Variants in ATRN observed in about 807,000 individuals in gnomAD.
ATRN encodes attractin, also known as attractin-2.
A neutral mutation model predicts 178.7 loss-of-function variants in ATRN; 54 were observed. The observed-to-expected ratio is 0.30, with a 90% CI of 0.24 to 0.38. The LOEUF is 0.38. Among genes scored for constraint, ATRN ranks in the 10% least tolerant of loss-of-function variants. The pLI, the probability that ATRN is intolerant of heterozygous loss-of-function variation, is 1.00. For missense variants in ATRN, 1,443 were observed against 1,815.1 expected (o/e 0.79, Z 3.73); for synonymous variants, 636 against 663.0 (o/e 0.96, Z 0.63).
chr20:3,599,664 T>A (rs1057498113), intron 22 of ATRN, among the ~76,000 whole-genome samples: 1 of 152,214 alleles, frequency 6.6e-6, no homozygotes, highest in Admixed American at 6.5e-5. Flanking sequence ...GGGTGGACTT[T>A]TCATATGCAA....
chr20:3,630,916 C>CTTTTTT lies in ATRN; in HGVS notation c.3864-3352_3864-3347dup, dbSNP rs368394749. Among the ~76,000 whole-genome samples, 20 of 43,458 alleles carry CTTTTTT rather than the reference C, an allele frequency of 4.6e-4. 5 individuals carry two copies. The highest frequency in any genetic ancestry group is 8.0e-4 in the Non-Finnish European group (19 of 23,620). 28.5% of individuals were successfully genotyped at this position (43,458 alleles called of 152,430 possible). A position where few individuals can be genotyped will look rare whatever the true frequency, so the allele number is the denominator to read the frequency against. ...ACCATGTCTAAAAGAATTTATTTAGCTTTTTTTTTTTTTTTTTTTTTTTTT... is the reference window on the plus strand; with the variant it reads ...ACCATGTCTAAAAGAATTTATTTAGCTTTTTTTTTTTTTTTTTTTTTTTTTTTTTTT... On this transcript the variant is annotated intron_variant, in intron 25 of 28. Coordinates refer to ENST00000262919, the MANE Select transcript of ATRN (RefSeq NM_139321.3).
intron 25 of ATRN, among the ~76,000 whole-genome samples, chr20:3,631,103 A>G (rs767004580): frequency 4.6e-4 from 69 of 151,510 alleles, no homozygotes; most frequent in African/African-American, 1.6e-3. Flanking sequence ...GGCATGCACC[A>G]TCATGCCCAG....
chr20:3,614,938 C>T (rs756001426), intron 24 of ATRN, among the ~76,000 whole-genome samples: 5 of 152,172 alleles, frequency 3.3e-5, no homozygotes, highest in Non-Finnish European at 7.3e-5. Flanking sequence ...TAGTATGTTT[C>T]AGTACTTATT....
chr20:3,555,127 G>A (rs1316992181), intron 6 of ATRN, among the ~76,000 whole-genome samples: 3 of 149,358 alleles, frequency 2.0e-5, no homozygotes, highest in East Asian at 2.0e-4. Context: ...TCAGCCTCCC[G>A]AGTAGCTGGG....
rs3886999 is a variant in ATRN, at chr20:3,596,415, G to A, written c.3455G>A (p.Arg1152Lys). The A allele has an allele frequency of 0.048, 77,003 of 1,613,122 alleles. 2,117 individuals carry two copies. The highest frequency in any genetic ancestry group is 0.055 in the Non-Finnish European group (65,014 of 1,179,122). ...VENRYQGNPLRGTCYYTLLID... is the reference protein window; with the variant it reads ...VENRYQGNPLKGTCYYTLLID... ...AATCGATACCAAGGAAACCCTCTCA[G>A]AGGAACATGTTATTGTAAGTGGTTT... Residue 1152 changes from arginine (R) to lysine (K), a missense_variant, in exon 21 of 29, where the codon AGA becomes AAA. Physicochemically the swap from Arg to Lys is conservative, Grantham distance 26. Around this residue, in one of 4 missense-constraint regions of ATRN, gnomAD observed 289 missense variants for 440.8 expected, o/e 0.66. Transcript: ENST00000262919.
In ATRN at chr20:3,471,500, C is replaced by T. The variant is rs1034283531; in HGVS notation, c.393C>T (p.His131=). The T allele has an allele frequency of 5.7e-6, 8 of 1,404,080 alleles. No individual in the cohort carries two copies. The highest frequency in any genetic ancestry group is 4.5e-5 in the African/African-American group (3 of 66,954). 87.0% of individuals were successfully genotyped at this position (1,404,080 alleles called of 1,614,324 possible). The change falls in exon 1 of 29, where the codon CAC becomes CAT. Residue 131 remains histidine (H), a synonymous_variant. Transcript: ENST00000262919. ...GCTGGGTGGGCGAGCAATGCCAGCA[C>T]TGCGGGGGCCGCTTCAGGTGAGTGG... The part of the protein sequence containing the change: ...PAGWVGEQCQ[H]CGGRFRLTGS...
In ATRN at chr20:3,584,791, C is replaced by T; in HGVS notation, c.3095C>T (p.Pro1032Leu). 1 of 1,614,196 alleles carries T rather than the reference C, an allele frequency of 6.2e-7. No homozygotes were observed. The highest frequency in any genetic ancestry group is 8.5e-7 in the Non-Finnish European group (1 of 1,180,024). Residue 1032 changes from proline to leucine, a missense_variant, in exon 18 of 29, where the codon CCT (proline) becomes CTT (leucine). By Grantham distance (98) the Pro-to-Leu change is moderately conservative. Around this residue, in one of 4 missense-constraint regions of ATRN, gnomAD observed 80 missense variants for 71.5 expected, o/e 1.12. Transcript: ENST00000262919. ...CCAGTGAAGATGCCTTCGCAAGCCCCTACAGGAAATTTCTATCCACAGCCC... is the reference window on the plus strand; with the variant it reads ...CCAGTGAAGATGCCTTCGCAAGCCCTTACAGGAAATTTCTATCCACAGCCC... ...KGPVKMPSQA[P>L]TGNFYPQPLL... is the part of the protein sequence containing the mutation.
intron 23 of ATRN, among the ~76,000 whole-genome samples, chr20:3,603,882 G>C (rs1262432726): frequency 6.6e-6 from 1 of 152,138 alleles, no homozygotes; most frequent in African/African-American, 2.4e-5. Context: ...TGACTTGAGG[G>C]AAGTTACTTA....
chr20:3,562,359 A>C lies in ATRN; in HGVS notation c.1531A>C (p.Thr511Pro). 1 of 1,613,998 alleles carries C rather than the reference A, an allele frequency of 6.2e-7. No homozygotes were observed. Among genetic ancestry groups the C allele is most frequent in the Non-Finnish European group, 8.5e-7 (1 of 1,179,920 alleles). Reference protein sequence around the residue: ...YGHSSVYDHRTRALYVHGGYK... With the variant: ...YGHSSVYDHRPRALYVHGGYK... ...CCATAGCAGTGTTTACGACCATAGG[A>C]CCAGGGCCCTATACGTTCATGGTGG... is the stretch of plus-strand genomic sequence containing the variant. Residue 511 changes from threonine to proline, a missense_variant, in exon 9 of 29, where the codon ACC (threonine) becomes CCC (proline). Physicochemically the swap from Thr to Pro is conservative, Grantham distance 38. Transcript: ENST00000262919.
intron 27 of ATRN, among the ~76,000 whole-genome samples, chr20:3,643,515 AAAAGG>A (rs1170279248): frequency 1.3e-5 from 2 of 152,090 alleles, no homozygotes; most frequent in Non-Finnish European, 2.9e-5. Context: ...TTTAAAAAAA[AAAAGG>A]AAAGGAAAGA....
intron 1 of ATRN, among the ~76,000 whole-genome samples, chr20:3,521,695 T>C (rs950729148): frequency 6.6e-6 from 1 of 152,226 alleles, no homozygotes; most frequent in African/African-American, 2.4e-5. Context: ...AGATTACACA[T>C]TGAAGTGCCC....
intron 1 of ATRN, among the ~76,000 whole-genome samples, chr20:3,493,493 C>T (rs1315780292): frequency 1.3e-5 from 2 of 151,948 alleles, no homozygotes; most frequent in East Asian, 1.9e-4. Flanking sequence ...TAGGGTCTCA[C>T]AGTGTTGCCT....
intron 1 of ATRN, among the ~76,000 whole-genome samples, chr20:3,527,053 A>T (rs1600075936): frequency 1.3e-5 from 2 of 152,274 alleles, no homozygotes; most frequent in East Asian, 1.9e-4. Flanking sequence ...CCAAAGGCAA[A>T]GGCAACAAAA....
chr20:3,636,186 A>G (rs1488730074), intron 26 of ATRN, among the ~76,000 whole-genome samples: 1 of 152,212 alleles, frequency 6.6e-6, no homozygotes, highest in African/African-American at 2.4e-5. Flanking sequence ...AAAGAGTCCG[A>G]ATTGATTTTA....
At chr20:3,622,686 G>A (rs1355964618) in intron 24 of ATRN, among the ~76,000 whole-genome samples, 5 of 152,232 alleles carry the variant, frequency 3.3e-5, no homozygotes, top group African/African-American at 7.2e-5. Context: ...ACATTTTCAC[G>A]TTATGACCTT....
At chr20:3,503,196 G>T (rs142599836) in intron 1 of ATRN, among the ~76,000 whole-genome samples, 1 of 152,290 alleles carries the variant, frequency 6.6e-6, no homozygotes, top group Admixed American at 6.5e-5. Context: ...TGGAACGATA[G>T]CCTAGAAAAG....
intron 27 of ATRN, among the ~76,000 whole-genome samples, chr20:3,639,504 C>T (rs1307949202): frequency 6.6e-6 from 1 of 152,134 alleles, no homozygotes; most frequent in East Asian, 1.9e-4. Context: ...CCACCCACCT[C>T]GGCCTCCCAA....
intron 24 of ATRN, among the ~76,000 whole-genome samples, chr20:3,610,950 G>A (rs1832359861): frequency 6.6e-6 from 1 of 151,902 alleles, no homozygotes; most frequent in South Asian, 2.1e-4. Context: ...AGAAAGGATA[G>A]CCTTTTAACG....
chr20:3,600,570 A>G (rs960398197), intron 22 of ATRN, among the ~76,000 whole-genome samples: 2 of 152,114 alleles, frequency 1.3e-5, no homozygotes, highest in South Asian at 4.1e-4. Flanking sequence ...TTTTATTGGT[A>G]GGAGTGAACT....
Sources: gnomAD v4.1 joint callset for allele counts (sites outside exome capture counted in the v4.1 genomes callset) on GRCh38, gnomAD v4.1.1 for gene constraint, gnomAD v4.1.1 regional missense constraint, MANE v1.5 for transcripts, NCBI Gene and HGNC (gene_info 2026-07-23, HGNC 2026-07-21) for gene names.